The following CSMD1 variants were observed in gnomAD, a reference collection of about 807,000 sequenced individuals.
The protein encoded by CSMD1 is CUB and Sushi multiple domains 1, also known as CUB and sushi domain-containing protein 1.
In CSMD1, 213 loss-of-function variants were observed where a neutral mutation model predicts 417.5. The ratio of observed to expected loss-of-function variants is 0.51; its 90% confidence interval spans 0.46 to 0.57. The LOEUF (loss-of-function observed/expected upper bound fraction) is 0.57, where lower values mean the gene tolerates loss of function less well. CSMD1 is among the 20% of genes least tolerant of loss of function. The pLI is 0.00. For missense variants in CSMD1, 6,923 were observed against 4,529.7 expected, an observed-to-expected ratio of 1.53 and a Z score of -15.17; for synonymous variants, 2,862 against 1,736.8, an observed-to-expected ratio of 1.65 and a Z score of -16.11.
At chr8:3,239,547 G>C (rs564826436) in intron 26 of CSMD1, among the ~76,000 whole-genome samples, 1 of 152,144 alleles carries the variant, frequency 6.6e-6, no homozygotes. Context: ...GGCAAATCCT[G>C]GAGCTTGATG....
intron 3 of CSMD1, among the ~76,000 whole-genome samples, chr8:4,348,145 T>C (rs1235907342): frequency 1.3e-5 from 2 of 152,172 alleles, no homozygotes; most frequent in East Asian, 1.9e-4. Flanking sequence ...AGAAGACCTT[T>C]TCGGTTTTTA....
chr8:4,598,286 T>G (rs1800387417), intron 2 of CSMD1, among the ~76,000 whole-genome samples: 1 of 152,190 alleles, frequency 6.6e-6, no homozygotes, highest in African/African-American at 2.4e-5. Flanking sequence ...GATTTGGATT[T>G]GCTATTTGAA....
chr8:3,229,604 C>T (rs558959565), intron 27 of CSMD1, among the ~76,000 whole-genome samples: 108 of 152,100 alleles, frequency 7.1e-4, no homozygotes, highest in Non-Finnish European at 1.4e-3. Context: ...TTTCAGAATT[C>T]TATTTTAAAT....
intron 2 of CSMD1, among the ~76,000 whole-genome samples, chr8:4,440,317 G>A (rs1019957228): frequency 1.3e-5 from 2 of 152,316 alleles, no homozygotes; most frequent in South Asian, 2.1e-4. Flanking sequence ...CAGCTGGAAA[G>A]TCTATTAACT....
intron 7 of CSMD1, among the ~76,000 whole-genome samples, chr8:3,686,663 A>G (rs746760538): frequency 7.9e-5 from 12 of 152,108 alleles, no homozygotes; most frequent in Non-Finnish European, 1.6e-4. Context: ...CTACACTAAC[A>G]CTTATCCACC....
chr8:4,824,650 A>G (rs1206113190), intron 1 of CSMD1, among the ~76,000 whole-genome samples: 1 of 152,174 alleles, frequency 6.6e-6, no homozygotes. Context: ...CAACAGAAGG[A>G]ATCTCATAAC....
chr8:3,981,500 T>TAAAAAA lies in CSMD1; in HGVS notation c.818+16397_818+16402dup, dbSNP rs200296436. Among the ~76,000 whole-genome samples, 39 of 115,038 alleles carry TAAAAAA rather than the reference T, an allele frequency of 3.4e-4. 1 individual carries two copies. The highest frequency in any genetic ancestry group is 5.0e-4 in the Non-Finnish European group (29 of 57,628). 75.5% of individuals were successfully genotyped at this position (115,038 alleles called of 152,430 possible). A position where few individuals can be genotyped will look rare whatever the true frequency, so the allele number is the denominator to read the frequency against. On this transcript the variant is annotated intron_variant, in intron 5 of 69. Transcript: ENST00000635120. Reference sequence around the variant, plus strand: ...TACTCCAATAACTTATAGAAAAAAGTAAAAAAAAAAAAAAAAAAAAAAAAA... The same window carrying TAAAAAA: ...TACTCCAATAACTTATAGAAAAAAGTAAAAAAAAAAAAAAAAAAAAAAAAAAAAAAA...
intron 5 of CSMD1, among the ~76,000 whole-genome samples, chr8:3,853,875 AAT>A (rs1804095639): frequency 6.8e-6 from 1 of 146,858 alleles, no homozygotes; most frequent in African/African-American, 2.5e-5. Flanking sequence ...ATTATACTTT[AAT>A]ATATTAATAT....
chr8:3,206,404 G>C (rs988724228), intron 30 of CSMD1, among the ~76,000 whole-genome samples: 1 of 114,440 alleles, frequency 8.7e-6, no homozygotes, highest in Non-Finnish European at 1.7e-5. Context: ...TGTGTGGGGG[G>C]TTATGTCTGT....
chr8:3,979,524 C>G (rs1813696109), intron 5 of CSMD1, among the ~76,000 whole-genome samples: 1 of 152,204 alleles, frequency 6.6e-6, no homozygotes, highest in Non-Finnish European at 1.5e-5. Context: ...AGCTGTAACT[C>G]TCCAAGTCAT....
intron 5 of CSMD1, among the ~76,000 whole-genome samples, chr8:3,954,774 G>C (rs763769275): frequency 6.6e-6 from 1 of 151,634 alleles, no homozygotes; most frequent in African/African-American, 2.4e-5. Context: ...GCGTAATGTG[G>C]CAGGGAGTTA....
intron 1 of CSMD1, among the ~76,000 whole-genome samples, chr8:4,878,315 T>C (rs1803177575): frequency 6.6e-6 from 1 of 152,058 alleles, no homozygotes; most frequent in South Asian, 2.1e-4. Flanking sequence ...TTAGAACTCA[T>C]CTTTCTGCAG....
Position 3,494,554 on chromosome 8 carries a change from T to TGATAGATA in CSMD1, c.1345-836_1345-829dup, listed in dbSNP as rs71199579. On this transcript the variant is annotated intron_variant, in intron 10 of 69. Transcript: ENST00000635120. The stretch of plus-strand genomic sequence containing the variant: ...GATTAGCAGATACAGACAGATTAGA[T>TGATAGATA]GATAGATAGATAGATAGATAGATAG... Among the ~76,000 whole-genome samples the TGATAGATA allele has an allele frequency of 2.5e-3, 358 of 145,736 alleles. 1 individual carries two copies. Among genetic ancestry groups the TGATAGATA allele is most frequent in the Middle Eastern group, 7.1e-3 (2 of 282 alleles).
chr8:3,220,617 G>A (rs1272520359), intron 28 of CSMD1, among the ~76,000 whole-genome samples: 3 of 152,286 alleles, frequency 2.0e-5, no homozygotes, highest in East Asian at 1.9e-4. Flanking sequence ...CAGATCACGA[G>A]GTCAGGAGTT....
chr8:3,019,108 G>A (rs185844535), intron 51 of CSMD1, among the ~76,000 whole-genome samples: 40 of 152,274 alleles, frequency 2.6e-4, no homozygotes, highest in East Asian at 1.7e-3. Flanking sequence ...AGTAGAGACA[G>A]TGTTTTGCCA....
chr8:4,712,978 G>A lies in CSMD1; in HGVS notation c.86-75420C>T, dbSNP rs1305389712. Among the ~76,000 whole-genome samples the A allele has an allele frequency of 3.5e-4, 54 of 152,188 alleles. 1 individual carries two copies. Reference sequence around the variant, plus strand: ...ATTTTCTATAAAGGCAAATCCACGGGAATTACTGGCAGTAATATTAATGAT... The same window carrying A: ...ATTTTCTATAAAGGCAAATCCACGGAAATTACTGGCAGTAATATTAATGAT... On this transcript the variant is annotated intron_variant, in intron 1 of 69. Coordinates refer to ENST00000635120, the MANE Select transcript of CSMD1 (RefSeq NM_033225.6).
At chr8:3,846,174 G>C (rs936564608) in intron 5 of CSMD1, among the ~76,000 whole-genome samples, 2 of 152,158 alleles carry the variant, frequency 1.3e-5, no homozygotes, top group Non-Finnish European at 2.9e-5. Context: ...TGGTACATAA[G>C]TGTATGTGCT....
chr8:4,200,731 G>C (rs1253156570), intron 3 of CSMD1, among the ~76,000 whole-genome samples: 2 of 152,144 alleles, frequency 1.3e-5, no homozygotes, highest in Non-Finnish European at 2.9e-5. Flanking sequence ...ACATGGTTGT[G>C]TGTATCTGTA....
chr8:3,615,355 T>C (rs549887199), intron 8 of CSMD1, among the ~76,000 whole-genome samples: 2 of 152,312 alleles, frequency 1.3e-5, no homozygotes, highest in East Asian at 3.9e-4. Context: ...CTTAGCTCTT[T>C]ACTCCAATTC....
Sources: allele counts gnomAD v4.1 joint callset (sites outside exome capture counted in the v4.1 genomes callset), GRCh38; gene constraint gnomAD v4.1.1; transcripts MANE v1.5; gene names NCBI Gene and HGNC (gene_info 2026-07-23, HGNC 2026-07-21).